The following MRPL42 variants were observed in gnomAD, a reference collection of about 807,000 sequenced individuals.
MRPL42 encodes the protein mitochondrial ribosomal protein L42, also known as large ribosomal subunit protein mL42.
A neutral mutation model predicts 17.9 loss-of-function variants in MRPL42; 17 were observed. The observed-to-expected ratio is 0.95, with a 90% CI of 0.65 to 1.42. The LOEUF is 1.42. Ranked by LOEUF, MRPL42 falls within the 40% of genes most tolerant of loss-of-function variation. The pLI is 0.00. For missense variants in MRPL42, 177 were observed against 175.2 expected, an observed-to-expected ratio of 1.01 and a Z score of -0.06; for synonymous variants, 59 against 54.4, an observed-to-expected ratio of 1.08 and a Z score of -0.37.
chr12:93,477,222 A>G (rs901647015), intron 3 of MRPL42, among the ~76,000 whole-genome samples: 65 of 152,270 alleles, frequency 4.3e-4, no homozygotes, highest in African/African-American at 1.5e-3. Context: ...ATTGTGTTTC[A>G]TTGAATATTT....
rs1281446729 is a variant in MRPL42 at position 93,508,012 on chromosome 12, T to C, written c.*6791T>C. 6.6e-6 allele frequency: 1 copy of C among 152,652 alleles called. No individual in the cohort carries two copies. The highest frequency in any genetic ancestry group is 1.5e-5 in the Non-Finnish European group (1 of 68,430). 9.5% of individuals were successfully genotyped at this position (152,652 alleles called of 1,614,324 possible). A position where few individuals can be genotyped will look rare whatever the true frequency, so the allele number is the denominator to read the frequency against. On this transcript the variant is annotated 3_prime_UTR_variant, in exon 6 of 6. Transcript: ENST00000549982. Reference sequence around the variant, plus strand: ...CCCAGGCTGGAGTGCAATGGCGCAATCTCAGCCCACCAGAACCTTTGCCTC... The same window carrying C: ...CCCAGGCTGGAGTGCAATGGCGCAACCTCAGCCCACCAGAACCTTTGCCTC...
chr12:93,468,470 A>G (rs994456263), intron 1 of MRPL42, among the ~76,000 whole-genome samples: 2 of 152,334 alleles, frequency 1.3e-5, no homozygotes, highest in East Asian at 1.9e-4. Flanking sequence ...AAGTTTCCCA[A>G]TTTGGCAGTG....
At chr12:93,489,784 A>T (rs1973381) in intron 5 of MRPL42, among the ~76,000 whole-genome samples, 1 of 152,210 alleles carries the variant, frequency 6.6e-6, no homozygotes, top group African/African-American at 2.4e-5. Context: ...GATCTGCCCC[A>T]CTTGGCCTCC....
intron 3 of MRPL42, among the ~76,000 whole-genome samples, chr12:93,478,331 T>A (rs1880283475): frequency 6.6e-6 from 1 of 151,886 alleles, no homozygotes; most frequent in African/African-American, 2.4e-5. Flanking sequence ...CATTGCAGCC[T>A]CAACCTCCCA....
chr12:93,495,903 T>C (rs370739501), intron 5 of MRPL42, among the ~76,000 whole-genome samples: 6 of 152,132 alleles, frequency 3.9e-5, no homozygotes, highest in Non-Finnish European at 7.4e-5. Context: ...TTCCATAAAG[T>C]ATGGTTTCAA....
At chr12:93,480,782 C>T (rs1042196801) in intron 4 of MRPL42, among the ~76,000 whole-genome samples, 2 of 151,678 alleles carry the variant, frequency 1.3e-5, no homozygotes, top group East Asian at 1.9e-4. Context: ...CCTCATGATC[C>T]GCCTGCCTCA....
rs1432379414 is a variant in MRPL42, at chr12:93,515,603, A to T, written c.*14382A>T. On this transcript the variant is annotated 3_prime_UTR_variant, in exon 6 of 6. Transcript: ENST00000549982. The stretch of plus-strand genomic sequence containing the variant: ...AGGCTGGTCTCGAGCTCCTGACCTC[A>T]AGTGATTCGCCCGCGTCGGCCTCCC... 1 of 152,190 alleles carries T rather than the reference A, an allele frequency of 6.6e-6. No individual in the cohort carries two copies. The highest frequency in any genetic ancestry group is 1.5e-5 in the Non-Finnish European group (1 of 68,076). 9.4% of individuals were successfully genotyped at this position (152,190 alleles called of 1,614,324 possible). A position where few individuals can be genotyped will look rare whatever the true frequency, so the allele number is the denominator to read the frequency against.
intron 5 of MRPL42, among the ~76,000 whole-genome samples, chr12:93,494,442 GT>G (rs1295778361): frequency 6.6e-6 from 1 of 152,196 alleles, no homozygotes; most frequent in African/African-American, 2.4e-5. Context: ...CAGATGTTGG[GT>G]ATGAGACAGA....
chr12:93,487,157 G>A (rs117611432), intron 4 of MRPL42, among the ~76,000 whole-genome samples: 160 of 151,898 alleles, frequency 1.1e-3, no homozygotes, highest in Non-Finnish European at 1.5e-3. Context: ...GTCTGACCAT[G>A]TTGTCCAAGC....
At chr12:93,491,491 A>AG (rs1296787412) in intron 5 of MRPL42, among the ~76,000 whole-genome samples, 2 of 152,358 alleles carry the variant, frequency 1.3e-5, no homozygotes, top group East Asian at 3.9e-4. Context: ...TAGAGACCAA[A>AG]GTGCTATATG....
At position 93,502,831 on chromosome 12, in the gene MRPL42, T is replaced by TAATTA. The variant is rs1953613980; in HGVS notation, c.*1610_*1611insAATTA. The TAATTA allele has an allele frequency of 6.6e-6, 1 of 152,200 alleles. No individual in the cohort carries two copies. Among genetic ancestry groups the TAATTA allele is most frequent in the Non-Finnish European group, 1.5e-5 (1 of 68,030 alleles). 9.4% of individuals were successfully genotyped at this position (152,200 alleles called of 1,614,324 possible). ...AGTACAAAGCTCTGCTAAATAAGGA[T>TAATTA]TTACCCAAGATGCCCACATCCACAT... On this transcript the variant is annotated 3_prime_UTR_variant, in exon 6 of 6. Coordinates refer to ENST00000549982, the MANE Select transcript of MRPL42 (RefSeq NM_014050.4).
chr12:93,484,877 C>G (rs889098579), intron 4 of MRPL42, among the ~76,000 whole-genome samples: 10 of 148,024 alleles, frequency 6.8e-5, no homozygotes, highest in Non-Finnish European at 8.9e-5. Flanking sequence ...GGATTACAGG[C>G]ATGAGTCACT....
chr12:93,479,724 A>C (rs1880364644), intron 4 of MRPL42, among the ~76,000 whole-genome samples: 1 of 152,130 alleles, frequency 6.6e-6, no homozygotes, highest in Non-Finnish European at 1.5e-5. Flanking sequence ...AAAATTTGGT[A>C]GATTTCTGGT....
At chr12:93,471,234 G>A (rs1282629539) in intron 2 of MRPL42, among the ~76,000 whole-genome samples, 1 of 152,044 alleles carries the variant, frequency 6.6e-6, no homozygotes, top group African/African-American at 2.4e-5. Flanking sequence ...CATGATCTTG[G>A]CACACTGCAA....
intron 5 of MRPL42, chr12:93,488,315 G>C (rs545796074): frequency 3.3e-4 from 130 of 398,148 alleles, no homozygotes; most frequent in Admixed American, 1.4e-3. Flanking sequence ...ACTGTGTTGC[G>C]CAGGCTGATT....
At chr12:93,480,787 G>GC (rs1420286442) in intron 4 of MRPL42, among the ~76,000 whole-genome samples, 2 of 151,772 alleles carry the variant, frequency 1.3e-5, no homozygotes, top group African/African-American at 4.8e-5. Flanking sequence ...TGATCCGCCT[G>GC]CCTCAGCCTC....
rs1293055823 is a variant in MRPL42, at chr12:93,485,011, T to TACAC, written c.220-2485_220-2484insCACA. Among the ~76,000 whole-genome samples the TACAC allele has an allele frequency of 2.0e-3, 124 of 63,474 alleles. 11 individuals are homozygous for TACAC. Among genetic ancestry groups the TACAC allele is most frequent in the East Asian group, 0.014 (38 of 2,720 alleles). 41.6% of individuals were successfully genotyped at this position (63,474 alleles called of 152,430 possible). A position where few individuals can be genotyped will look rare whatever the true frequency, so the allele number is the denominator to read the frequency against. On this transcript the variant is annotated intron_variant, in intron 4 of 5. Transcript: ENST00000549982. ...ATATATATATATATATATATATATA[T>TACAC]ATATATATATATATATAAACAGAGA...
intron 5 of MRPL42, chr12:93,488,348 TC>T (rs1454945232): frequency 2.5e-6 from 1 of 398,418 alleles, no homozygotes; most frequent in African/African-American, 2.1e-5. Context: ...ACTCAAGTGA[TC>T]CTCCTCCCTC....
Position 93,487,554 on chromosome 12 carries a change from A to G in MRPL42, c.277A>G (p.Lys93Glu), listed in dbSNP as rs1465693390. 3 of 1,613,810 alleles carry G rather than the reference A, an allele frequency of 1.9e-6. No homozygotes were observed. The highest frequency in any genetic ancestry group is 2.5e-6 in the Non-Finnish European group (3 of 1,179,798). Reference protein sequence around the residue: ...NNEETHDQVLKTRLEEKVEHL... With the variant: ...NNEETHDQVLETRLEEKVEHL... ...TGAAGAAACACATGATCAAGTGCTG[A>G]AAACCAGATTGGAAGAAAAAGTTGA... is the stretch of plus-strand genomic sequence containing the variant. Residue 93 changes from lysine (K) to glutamate (E), a missense_variant, in exon 5 of 6, where the codon AAA becomes GAA. Lys to Glu is a moderately conservative substitution (Grantham distance 56). Transcript: ENST00000549982.
Sources: allele counts gnomAD v4.1 joint callset (sites outside exome capture counted in the v4.1 genomes callset), GRCh38; gene constraint gnomAD v4.1.1; transcripts MANE v1.5; gene names NCBI Gene and HGNC (gene_info 2026-07-23, HGNC 2026-07-21).